Variants in SPOPL observed in about 807,000 individuals in gnomAD.
SPOPL encodes the protein speckle type BTB/POZ protein like, also known as speckle-type POZ protein-like.
Under a neutral mutation model 53.8 loss-of-function variants are expected in SPOPL, and 23 were observed. The observed-to-expected ratio is 0.43, with a 90% CI of 0.31 to 0.61. SPOPL has a LOEUF of 0.61. Among genes scored for constraint, SPOPL ranks in the 20% least tolerant of loss-of-function variants. The pLI, the probability that SPOPL is intolerant of heterozygous loss-of-function variation, is 0.12. For synonymous variants in SPOPL, 164 were observed against 149.7 expected (o/e 1.10, Z -0.70); for missense variants, 442 against 466.9 (o/e 0.95, Z 0.49).
chr2:138,535,519 CA>C (rs1367130449), intron 1 of SPOPL, among the ~76,000 whole-genome samples: 4 of 149,326 alleles, frequency 2.7e-5, no homozygotes, highest in Non-Finnish European at 5.9e-5. Flanking sequence ...GGTGATTCCC[CA>C]CTCCTTTTTT....
At chr2:138,554,422 T>C in intron 5 of SPOPL, 11 of 1,214,094 alleles carry the variant, frequency 9.1e-6, no homozygotes, top group African/African-American at 1.6e-5. Flanking sequence ...CGCTCACGGA[T>C]GCCCTTCCTT....
At chr2:138,523,358 A>G (rs1027444195) in intron 1 of SPOPL, among the ~76,000 whole-genome samples, 2 of 152,256 alleles carry the variant, frequency 1.3e-5, no homozygotes, top group East Asian at 1.9e-4. Flanking sequence ...GCCACAACAC[A>G]TGGGAATTAT....
chr2:138,562,230 A>G (rs984727360), intron 8 of SPOPL, among the ~76,000 whole-genome samples: 2 of 152,000 alleles, frequency 1.3e-5, no homozygotes, highest in African/African-American at 4.8e-5. Flanking sequence ...TTGGGGAAAA[A>G]AAGAATAAAG....
intron 1 of SPOPL, among the ~76,000 whole-genome samples, chr2:138,505,594 TAAAAAAAAAAA>T (rs1169614974): frequency 8.0e-5 from 6 of 75,090 alleles, no homozygotes; most frequent in South Asian, 4.7e-4. Flanking sequence ...GTGTCTCTTC[TAAAAAAAAAAA>T]AAAAAAAAAA....
intron 1 of SPOPL, among the ~76,000 whole-genome samples, chr2:138,503,607 GT>G (rs1684152384): frequency 6.6e-6 from 1 of 152,138 alleles, no homozygotes; most frequent in Non-Finnish European, 1.5e-5. Context: ...AAACTACAGG[GT>G]TTTAGCCCAC....
In SPOPL at chr2:138,559,055, G is replaced by A; in HGVS notation, c.514G>A (p.Gly172Arg). The A allele has an allele frequency of 6.2e-7, 1 of 1,612,368 alleles. No homozygotes were observed. The highest frequency in any genetic ancestry group is 1.1e-5 in the South Asian group (1 of 90,846). Residue 172 changes from glycine to arginine, a missense_variant, in exon 6 of 11, where the codon GGA becomes AGA. Coordinates refer to ENST00000280098, the MANE Select transcript of SPOPL (RefSeq NM_001001664.3). ...GGTCCAAGATTCAGTAAACATATCAGGACATACTAATACAAATACTTTGAA... is the reference window on the plus strand; with the variant it reads ...GGTCCAAGATTCAGTAAACATATCAAGACATACTAATACAAATACTTTGAA... The part of the protein sequence containing the change: ...SVVQDSVNIS[G>R]HTNTNTLKVP...
intron 1 of SPOPL, among the ~76,000 whole-genome samples, chr2:138,508,992 A>G (rs1684272027): frequency 2.6e-5 from 4 of 152,168 alleles, no homozygotes; most frequent in Admixed American, 2.6e-4. Flanking sequence ...GTTCTAAAAG[A>G]GGTCAGGATA....
chr2:138,554,474 T>C, intron 5 of SPOPL: 1 of 1,285,122 alleles, frequency 7.8e-7, no homozygotes, highest in Non-Finnish European at 1.0e-6. Flanking sequence ...GGAGGAAGCA[T>C]TGCACTACCC....
chr2:138,537,309 G>A (rs1208962276), intron 1 of SPOPL, among the ~76,000 whole-genome samples: 1 of 152,108 alleles, frequency 6.6e-6, no homozygotes, highest in African/African-American at 2.4e-5. Flanking sequence ...ACTCTTAAGG[G>A]TGTCCACGTG....
rs555024502 is a variant in SPOPL, at chr2:138,550,711, A to G, written c.200+107A>G. 29 of 1,473,574 alleles carry G rather than the reference A, an allele frequency of 2.0e-5. No homozygotes were observed. The East Asian group carries it at 3.4e-4, about 17-fold the overall frequency. 91.3% of individuals were successfully genotyped at this position (1,473,574 alleles called of 1,614,324 possible). ...CCTGAATGAGTATTAATGTAATTTC[A>G]TATTAGATTGGTAGTATGTTCCTAA... On this transcript the variant is annotated intron_variant, in intron 3 of 10. Transcript: ENST00000280098.
rs33913820 is a variant in SPOPL at position 138,513,739 on chromosome 2, CAAA to C, written c.-61+11638_-61+11640del. Among the ~76,000 whole-genome samples the C allele has an allele frequency of 7.5e-3, 848 of 112,622 alleles. 3 individuals carry two copies. Among genetic ancestry groups the C allele is most frequent in the African/African-American group, 0.024 (783 of 32,964 alleles). The allele number at this position is 112,622 out of a possible 152,430, so 73.9% of individuals were successfully genotyped here. A position where few individuals can be genotyped will look rare whatever the true frequency, so the allele number is the denominator to read the frequency against. On this transcript the variant is annotated intron_variant, in intron 1 of 10. Transcript: ENST00000280098. ...TAGGAAATAGAGCTAGACCTTACCT[CAAA>C]AAAAAAAAAAAAAAAAATTGGCTTT...
chr2:138,522,298 A>G (rs949572539), intron 1 of SPOPL, among the ~76,000 whole-genome samples: 3 of 152,160 alleles, frequency 2.0e-5, no homozygotes, highest in African/African-American at 4.8e-5. Context: ...ATTCAACCTG[A>G]TACAATTGAC....
chr2:138,521,352 G>A (rs10170310), intron 1 of SPOPL, among the ~76,000 whole-genome samples: 118,471 of 150,650 alleles, frequency 0.79, 46,982 homozygotes, highest in Middle Eastern at 0.86. Context: ...ATCTCAGCAC[G>A]TGGACCCCAG....
At chr2:138,544,540 G>A (rs142254831) in intron 1 of SPOPL, among the ~76,000 whole-genome samples, 1,664 of 152,244 alleles carry the variant, frequency 0.011, 34 homozygotes, top group African/African-American at 0.038. Context: ...AGCCAGGTGC[G>A]GCACATAATT....
intron 1 of SPOPL, among the ~76,000 whole-genome samples, chr2:138,522,494 C>T (rs373112177): frequency 5.3e-5 from 8 of 152,084 alleles, no homozygotes; most frequent in Admixed American, 3.9e-4. Context: ...ATATTACCAA[C>T]GCCAGTTACT....
chr2:138,546,702 A>G (rs1051771188), intron 1 of SPOPL, among the ~76,000 whole-genome samples: 1 of 151,460 alleles, frequency 6.6e-6, no homozygotes, highest in Non-Finnish European at 1.5e-5. Context: ...GAGCCAGGCA[A>G]ATTTGTGTTC....
intron 1 of SPOPL, among the ~76,000 whole-genome samples, chr2:138,538,117 T>C (rs889113628): frequency 6.6e-6 from 1 of 152,182 alleles, no homozygotes; most frequent in Non-Finnish European, 1.5e-5. Context: ...CGTCGAGACT[T>C]GTTTTGTGGC....
intron 1 of SPOPL, among the ~76,000 whole-genome samples, chr2:138,518,818 A>G (rs1005060925): frequency 5.3e-5 from 8 of 152,254 alleles, no homozygotes; most frequent in Admixed American, 5.2e-4. Context: ...TTTAAACAGC[A>G]AGAATAAAAC....
chr2:138,567,599 A>G (rs1685691581), intron 10 of SPOPL, among the ~76,000 whole-genome samples: 1 of 152,134 alleles, frequency 6.6e-6, no homozygotes, highest in Non-Finnish European at 1.5e-5. Flanking sequence ...TTGCATTTTT[A>G]ACAATCTCTG....
Sources: allele counts gnomAD v4.1 joint callset (sites outside exome capture counted in the v4.1 genomes callset), GRCh38; gene constraint gnomAD v4.1.1; transcripts MANE v1.5; gene names NCBI Gene and HGNC (gene_info 2026-07-23, HGNC 2026-07-21).